Variants in CNNM4 observed in about 807,000 individuals in gnomAD.
CNNM4 encodes the protein metal transporter CNNM4.
A neutral mutation model predicts 53.7 loss-of-function variants in CNNM4; 32 were observed. The observed-to-expected ratio is 0.60, with a 90% CI of 0.45 to 0.80. CNNM4 has a LOEUF of 0.80. CNNM4 is among the 30% of genes least tolerant of loss of function. The probability of loss-of-function intolerance (pLI) is 0.00; values close to 1 mark genes in which losing one functional copy is unlikely to be tolerated. For missense variants in CNNM4, 784 were observed against 1,022.0 expected (o/e 0.77, Z 3.17); for synonymous variants, 410 against 440.0 (o/e 0.93, Z 0.85).
At chr2:96,806,680 C>G (rs961132630) in intron 5 of CNNM4, among the ~76,000 whole-genome samples, 1 of 152,116 alleles carries the variant, frequency 6.6e-6, no homozygotes, top group Non-Finnish European at 1.5e-5. Context: ...CAGCTTAGTC[C>G]GCTTCCTGTT....
At chr2:96,789,938 A>AC (rs1212980024) in intron 1 of CNNM4, among the ~76,000 whole-genome samples, 2 of 36,852 alleles carry the variant, frequency 5.4e-5, no homozygotes, top group South Asian at 1.0e-3. Context: ...TGATCCACCC[A>AC]CCCCCCGCCC....
chr2:96,774,779 C>T (rs924281199), intron 1 of CNNM4, among the ~76,000 whole-genome samples: 4 of 151,974 alleles, frequency 2.6e-5, no homozygotes, highest in African/African-American at 7.3e-5. Context: ...GCCTGACCAA[C>T]ATGGCAAAAC....
At chr2:96,807,576 A>G (rs1050559430) in intron 5 of CNNM4, among the ~76,000 whole-genome samples, 1 of 152,104 alleles carries the variant, frequency 6.6e-6, no homozygotes, top group Non-Finnish European at 1.5e-5. Flanking sequence ...AACAAGAAAA[A>G]GAAAAAAAAT....
intron 1 of CNNM4, among the ~76,000 whole-genome samples, chr2:96,791,197 G>A (rs1271155086): frequency 6.6e-6 from 1 of 151,882 alleles, no homozygotes; most frequent in Admixed American, 6.6e-5. Flanking sequence ...AGCTACTCAG[G>A]AGGCTGGTGA....
At chr2:96,773,122 AC>A (rs541802197) in intron 1 of CNNM4, among the ~76,000 whole-genome samples, 178 of 152,322 alleles carry the variant, frequency 1.2e-3, no homozygotes, top group Non-Finnish European at 1.7e-3. Context: ...TTAAACCGAA[AC>A]CTATTTCTCA....
chr2:96,775,945 C>T (rs1208593270), intron 1 of CNNM4, among the ~76,000 whole-genome samples: 2 of 151,398 alleles, frequency 1.3e-5, no homozygotes, highest in East Asian at 1.9e-4. Flanking sequence ...AGGCTGGTCT[C>T]GAACTCCTGG....
intron 5 of CNNM4, among the ~76,000 whole-genome samples, chr2:96,807,122 C>CA (rs1406099240): frequency 2.0e-5 from 3 of 152,158 alleles, no homozygotes; most frequent in Non-Finnish European, 4.4e-5. Context: ...GTGACCCTCC[C>CA]ACCTCAGCCA....
intron 1 of CNNM4, among the ~76,000 whole-genome samples, chr2:96,766,438 C>T (rs1176371939): frequency 6.6e-6 from 1 of 152,054 alleles, no homozygotes; most frequent in African/African-American, 2.4e-5. Context: ...TGGTTGTTTC[C>T]TTGGGCTGGA....
Position 96,806,550 on chromosome 2 carries a change from C to T in CNNM4, c.1949-2011C>T, listed in dbSNP as rs1043164068. Among the ~76,000 whole-genome samples, 29 of 151,282 alleles carry T rather than the reference C, an allele frequency of 1.9e-4. 1 individual carries two copies. The highest frequency in any genetic ancestry group is 4.4e-4 in the African/African-American group (18 of 41,154). ...ACACACACACACGCGCGCGCGCGCG[C>T]GCGCCCTTAGTTAAAAATTGTATTG... On this transcript the variant is annotated intron_variant, in intron 5 of 6. Transcript: ENST00000377075.
chr2:96,771,302 T>A (rs1262075817), intron 1 of CNNM4, among the ~76,000 whole-genome samples: 1 of 152,148 alleles, frequency 6.6e-6, no homozygotes, highest in African/African-American at 2.4e-5. Context: ...TCTTTTTTTT[T>A]TTTTTTATTT....
In CNNM4 at chr2:96,799,618, G is replaced by A; in HGVS notation, c.1918G>A (p.Gly640Arg). ...KFETGAFSYYGTMALTSVPSD... is the reference protein window; with the variant it reads ...KFETGAFSYYRTMALTSVPSD... ...TGAGACGGGCGCCTTCTCCTACTAT[G>A]GGACTATGGCCCTGACCTCGGTCCC... The change falls in exon 5 of 7, where the codon GGG becomes AGG. Residue 640 changes from glycine to arginine, a missense_variant. Physicochemically the swap from Gly to Arg is moderately radical, Grantham distance 125. Coordinates refer to ENST00000377075, the MANE Select transcript of CNNM4 (RefSeq NM_020184.4). 6.4e-7 allele frequency: 1 copy of A among 1,553,340 alleles called. No individual in the cohort carries two copies. The highest frequency in any genetic ancestry group is 8.7e-7 in the Non-Finnish European group (1 of 1,147,794).
chr2:96,802,150 A>T (rs2079165615), intron 5 of CNNM4, among the ~76,000 whole-genome samples: 1 of 151,906 alleles, frequency 6.6e-6, no homozygotes, highest in South Asian at 2.1e-4. Context: ...CCACACACAG[A>T]CACACACAGA....
chr2:96,773,997 C>CA (rs777681124), intron 1 of CNNM4, among the ~76,000 whole-genome samples: 2 of 152,018 alleles, frequency 1.3e-5, no homozygotes, highest in Non-Finnish European at 2.9e-5. Context: ...TAACAGAAGG[C>CA]AGAGCTCAAG....
At position 96,800,531 on chromosome 2, in the gene CNNM4, T is replaced by C. The variant is rs1277166229; in HGVS notation, c.1948+883T>C. Among the ~76,000 whole-genome samples the C allele has an allele frequency of 6.6e-6, 1 of 152,140 alleles. No homozygotes were observed. Among genetic ancestry groups the C allele is most frequent in the Non-Finnish European group, 1.5e-5 (1 of 67,992 alleles). ...GAATACTGACACCCAGCTTGGCTTA[T>C]CCACCATGTCCTCGGCCCCTCCACC... On this transcript the variant is annotated intron_variant, in intron 5 of 6. Transcript: ENST00000377075. This position sits in a 1 kb window ranked among gnomAD's most constrained non-coding sequence, Gnocchi z 4.6.
chr2:96,772,731 A>G (rs1162908345), intron 1 of CNNM4, among the ~76,000 whole-genome samples: 3 of 99,802 alleles, frequency 3.0e-5, no homozygotes, highest in East Asian at 3.2e-4. Context: ...ACATGCGTGC[A>G]CACACACACA....
In CNNM4 at chr2:96,808,557, G is replaced by A. The variant is rs750489830; in HGVS notation, c.1949-4G>A. On this transcript the variant is annotated splice_polypyrimidine_tract_variant and splice_region_variant and intron_variant, in intron 5 of 6. Transcript: ENST00000377075. This position sits in a 1 kb window ranked among gnomAD's most constrained non-coding sequence, Gnocchi z 4.9. Reference sequence around the variant, plus strand: ...TGGCATGACAACCTCTGCTCTCCCTGCAGACCGTTCCCCAGCACACCCCAC... The same window carrying A: ...TGGCATGACAACCTCTGCTCTCCCTACAGACCGTTCCCCAGCACACCCCAC... The A allele has an allele frequency of 1.2e-6, 2 of 1,613,884 alleles. No individual in the cohort carries two copies. Among genetic ancestry groups the A allele is most frequent in the South Asian group, 1.1e-5 (1 of 91,068 alleles).
chr2:96,785,570 A>G (rs185639718), intron 1 of CNNM4, among the ~76,000 whole-genome samples: 104 of 151,958 alleles, frequency 6.8e-4, no homozygotes, highest in Admixed American at 2.6e-3. Context: ...GGCCGAGGCT[A>G]CAGTGAGCTG....
intron 1 of CNNM4, among the ~76,000 whole-genome samples, chr2:96,772,791 G>GCACA (rs141452263): frequency 2.3e-5 from 2 of 88,788 alleles, no homozygotes; most frequent in Admixed American, 1.3e-4. Context: ...ACACACATGC[G>GCACA]CACACACACA....
chr2:96,776,467 T>C (rs1366698644), intron 1 of CNNM4, among the ~76,000 whole-genome samples: 1 of 152,234 alleles, frequency 6.6e-6, no homozygotes, highest in Non-Finnish European at 1.5e-5. Context: ...GTGTTCTTTA[T>C]GCTTGGAACA....
Sources: allele counts gnomAD v4.1 joint callset (sites outside exome capture counted in the v4.1 genomes callset), GRCh38; gene constraint gnomAD v4.1.1; non-coding constraint Gnocchi (gnomAD v3.1); transcripts MANE v1.5; gene names NCBI Gene and HGNC (gene_info 2026-07-23, HGNC 2026-07-21).